The following IGF1R variants were observed in gnomAD, a reference collection of about 807,000 sequenced individuals.
IGF1R encodes insulin like growth factor 1 receptor, also known as insulin-like growth factor 1 receptor.
IGF1R carries 44 observed loss-of-function variants against 144.6 expected under a neutral mutation model. That is an observed-to-expected ratio of 0.30 (90% CI 0.24 to 0.39). The LOEUF (loss-of-function observed/expected upper bound fraction) is 0.39. Among genes scored for constraint, IGF1R ranks in the 10% least tolerant of loss-of-function variants. The pLI is 1.00. For synonymous variants in IGF1R, 795 were observed against 722.8 expected (o/e 1.10, Z -1.60); for missense variants, 1,355 against 1,833.7 (o/e 0.74, Z 4.77).
chr15:98,899,329 G>A (rs2014357742), intron 4 of IGF1R, 148 bp from the exon 5 acceptor site: 5 of 801,292 alleles, frequency 6.2e-6, no homozygotes, highest in South Asian at 1.5e-5. Flanking sequence ...AGGGAAGTGT[G>A]TTTTTGTCAG....
At chr15:98,727,810 G>T (rs1234979428) in intron 2 of IGF1R, among the ~76,000 whole-genome samples, 1 of 152,148 alleles carries the variant, frequency 6.6e-6, no homozygotes, top group Non-Finnish European at 1.5e-5. Context: ...AGAAGGACTG[G>T]GGAAACCGCC....
rs555258375 is a variant in IGF1R at position 98,743,809 on chromosome 15, G to A, written c.640+35702G>A. Among the ~76,000 whole-genome samples the A allele has an allele frequency of 4.6e-5, 7 of 152,306 alleles. No homozygotes were observed. In the South Asian group the frequency reaches 1.5e-3, roughly 32 times the overall value. ...GCAATTGGAGTAGGCAATGCAAAAG[G>A]CAAAGTGAACTTGGACTAGTGGTGG... is the stretch of plus-strand genomic sequence containing the variant. On this transcript the variant is annotated intron_variant, in intron 2 of 20. Coordinates refer to ENST00000650285, the MANE Select transcript of IGF1R (RefSeq NM_000875.5).
At chr15:98,893,767 C>A (rs2151647791) in intron 3 of IGF1R, among the ~76,000 whole-genome samples, 1 of 152,310 alleles carries the variant, frequency 6.6e-6, no homozygotes, top group African/African-American at 2.4e-5. Context: ...GTGCACTCTT[C>A]AGAGAATTGA....
intron 3 of IGF1R, among the ~76,000 whole-genome samples, chr15:98,895,417 T>A (rs199637316): frequency 0.046 from 6,898 of 149,942 alleles, 255 homozygotes; most frequent in East Asian, 0.14. Context: ...AAATAAAATT[T>A]TTTTTTTTAA....
intron 2 of IGF1R, among the ~76,000 whole-genome samples, chr15:98,885,286 A>G (rs559387906): frequency 7.2e-5 from 11 of 152,138 alleles, no homozygotes; most frequent in Non-Finnish European, 1.5e-4. Context: ...TGCTTAGCTG[A>G]GCTAAGTCCT....
At chr15:98,932,156 G>C (rs750472229) in intron 15 of IGF1R, among the ~76,000 whole-genome samples, 21 of 152,188 alleles carry the variant, frequency 1.4e-4, no homozygotes, top group Non-Finnish European at 2.1e-4. Flanking sequence ...TGTCCTTCTA[G>C]AATGCTTTCA....
chr15:98,798,501 G>A (rs992239447), intron 2 of IGF1R, among the ~76,000 whole-genome samples: 3 of 152,184 alleles, frequency 2.0e-5, no homozygotes, highest in Non-Finnish European at 4.4e-5. Context: ...AGACTGTAAG[G>A]GCAAGGACAG....
intron 1 of IGF1R, among the ~76,000 whole-genome samples, chr15:98,678,646 G>A (rs1455935667): frequency 2.6e-5 from 4 of 152,014 alleles, no homozygotes; most frequent in Non-Finnish European, 2.9e-5. Context: ...CCTGGTAGCC[G>A]GGACCACAGG....
At chr15:98,906,904 G>A (rs914622303) in intron 5 of IGF1R, among the ~76,000 whole-genome samples, 1 of 152,180 alleles carries the variant, frequency 6.6e-6, no homozygotes, top group Non-Finnish European at 1.5e-5. Flanking sequence ...GTGCTGGCAG[G>A]ACTCCAACCT....
chr15:98,876,679 C>G (rs553816187), intron 2 of IGF1R, among the ~76,000 whole-genome samples: 6 of 151,952 alleles, frequency 3.9e-5, no homozygotes, highest in African/African-American at 1.5e-4. Flanking sequence ...TGTTTTTTTC[C>G]GAGGCACTTT....
At chr15:98,865,462 C>T (rs1260011892) in intron 2 of IGF1R, among the ~76,000 whole-genome samples, 1 of 152,114 alleles carries the variant, frequency 6.6e-6, no homozygotes, top group Non-Finnish European at 1.5e-5. Flanking sequence ...TGGGGCTCGG[C>T]GTGCATAGCG....
intron 2 of IGF1R, among the ~76,000 whole-genome samples, chr15:98,731,964 G>A (rs893067982): frequency 6.6e-6 from 1 of 152,220 alleles, no homozygotes; most frequent in Non-Finnish European, 1.5e-5. Context: ...CTCTCAGAGA[G>A]ACAGTCTTCA....
intron 2 of IGF1R, among the ~76,000 whole-genome samples, chr15:98,767,437 G>A (rs981196811): frequency 6.6e-6 from 1 of 152,150 alleles, no homozygotes; most frequent in African/African-American, 2.4e-5. Flanking sequence ...ATCCGGTGGG[G>A]CTTGGTTTGT....
intron 2 of IGF1R, among the ~76,000 whole-genome samples, chr15:98,865,737 G>A (rs575946434): frequency 6.6e-6 from 1 of 152,340 alleles, no homozygotes; most frequent in South Asian, 2.1e-4. Flanking sequence ...TTCGATCACT[G>A]GTGGATCCGT....
intron 2 of IGF1R, among the ~76,000 whole-genome samples, chr15:98,832,818 A>C (rs1357074350): frequency 6.6e-6 from 1 of 152,218 alleles, no homozygotes; most frequent in African/African-American, 2.4e-5. Context: ...TGGTTTATAC[A>C]ATTTCTGGCA....
At chr15:98,800,060 G>C (rs970464248) in intron 2 of IGF1R, among the ~76,000 whole-genome samples, 13 of 152,154 alleles carry the variant, frequency 8.5e-5, no homozygotes, top group African/African-American at 3.1e-4. Context: ...TTTGAAGAAG[G>C]CTGCTGAGTC....
chr15:98,714,725 T>C (rs1234291186), intron 2 of IGF1R, among the ~76,000 whole-genome samples: 2 of 152,032 alleles, frequency 1.3e-5, no homozygotes, highest in Non-Finnish European at 2.9e-5. Context: ...AAAAAGAATG[T>C]GTAAATCACC....
intron 2 of IGF1R, among the ~76,000 whole-genome samples, chr15:98,727,254 TAAC>T (rs2054383529): frequency 6.6e-6 from 1 of 152,144 alleles, no homozygotes. Context: ...AAAATAAAAA[TAAC>T]AGTCGTACAG....
At chr15:98,676,326 TG>T (rs1224860298) in intron 1 of IGF1R, among the ~76,000 whole-genome samples, 1 of 151,882 alleles carries the variant, frequency 6.6e-6, no homozygotes, top group Non-Finnish European at 1.5e-5. Context: ...TTAGTAGAAA[TG>T]GGGTTTCACT....
Sources: gnomAD v4.1 joint callset for allele counts (sites outside exome capture counted in the v4.1 genomes callset) on GRCh38, gnomAD v4.1.1 for gene constraint, MANE v1.5 for transcripts, NCBI Gene and HGNC (gene_info 2026-07-23, HGNC 2026-07-21) for gene names.